The following KIF13A variants were observed in gnomAD, a reference collection of about 807,000 sequenced individuals.
KIF13A encodes kinesin family member 13A.
KIF13A carries 79 observed loss-of-function variants against 212.2 expected under a neutral mutation model. The ratio of observed to expected loss-of-function variants is 0.37; its 90% confidence interval spans 0.31 to 0.45. The LOEUF is 0.45. KIF13A is among the 20% of genes least tolerant of loss of function. The probability of loss-of-function intolerance (pLI) is 1.00; values close to 1 mark genes in which losing one functional copy is unlikely to be tolerated. For synonymous variants in KIF13A, 789 were observed against 808.6 expected (o/e 0.98, Z 0.41); for missense variants, 1,901 against 2,209.0 (o/e 0.86, Z 2.79).
At position 17,826,967 on chromosome 6, in the gene KIF13A, C is replaced by A. The variant is rs1562024124; in HGVS notation, c.1533-843G>T. Among the ~76,000 whole-genome samples, 2 of 151,296 alleles carry A rather than the reference C, an allele frequency of 1.3e-5. No homozygotes were observed. Among genetic ancestry groups the A allele is most frequent in the African/African-American group, 4.9e-5 (2 of 41,184 alleles). ...AATCCCAGCTACTTGGGAGGCGAGG[C>A]AGGAGGTTTGCTTGAACCTGGAAGG... On this transcript the variant is annotated intron_variant, in intron 14 of 38. Coordinates refer to ENST00000259711, the MANE Select transcript of KIF13A (RefSeq NM_022113.6). The surrounding 1 kb of genome is among the most constrained non-coding windows in gnomAD (Gnocchi z 4.7).
chr6:17,965,240 C>A (rs1466581211), intron 2 of KIF13A, among the ~76,000 whole-genome samples: 1 of 152,156 alleles, frequency 6.6e-6, no homozygotes, highest in Non-Finnish European at 1.5e-5. Context: ...GTTTAGATAT[C>A]CTAATCATAT....
Position 17,855,726 on chromosome 6 carries a change from G to C in KIF13A, c.314-109C>G. On this transcript the variant is annotated intron_variant, in intron 5 of 38. Coordinates refer to ENST00000259711, the MANE Select transcript of KIF13A (RefSeq NM_022113.6). The surrounding 1 kb of genome is among the most constrained non-coding windows in gnomAD (Gnocchi z 4.1). ...CTGGCCATGGTAACATAGCAGAAGA[G>C]TGGCCAACTTAGCCTCAAACCCTGT... is the stretch of plus-strand genomic sequence containing the variant. 2.3e-6 allele frequency: 2 copies of C among 873,956 alleles called. No homozygotes were observed. Among genetic ancestry groups the C allele is most frequent in the Non-Finnish European group, 3.5e-6 (2 of 577,440 alleles). 54.1% of individuals were successfully genotyped at this position (873,956 alleles called of 1,614,324 possible). A position where few individuals can be genotyped will look rare whatever the true frequency, so the allele number is the denominator to read the frequency against.
rs530942525 is a variant in KIF13A, at chr6:17,899,090, A to G, written c.147-910T>C. Reference sequence around the variant, plus strand: ...CAATCCCCCCACCTCAGCCTCCCAAAGTGCTGGGATTACAGGTGTGAACCA... The same window carrying G: ...CAATCCCCCCACCTCAGCCTCCCAAGGTGCTGGGATTACAGGTGTGAACCA... On this transcript the variant is annotated intron_variant, in intron 2 of 38. Coordinates refer to ENST00000259711, the MANE Select transcript of KIF13A (RefSeq NM_022113.6). This position sits in a 1 kb window ranked among gnomAD's most constrained non-coding sequence, Gnocchi z 5.2. 1.7e-4 allele frequency among the ~76,000 whole-genome samples: 26 copies of G among 152,310 alleles called. No individual in the cohort carries two copies. The East Asian group carries it at 5.0e-3, about 29-fold the overall frequency.
chr6:17,807,689 G>GCTAGACTGGTATTAGTAGTTCTGCTTT (rs1554168929), intron 18 of KIF13A, among the ~76,000 whole-genome samples: 1 of 152,040 alleles, frequency 6.6e-6, no homozygotes, highest in Non-Finnish European at 1.5e-5. Context: ...TGTGATCTTT[G>GCTAGACTGGTATTAGTAGTTCTGCTTT]TACCTACTCC....
intron 2 of KIF13A, among the ~76,000 whole-genome samples, chr6:17,970,940 T>A (rs1779759084): frequency 1.3e-5 from 2 of 152,228 alleles, no homozygotes; most frequent in Admixed American, 1.3e-4. Flanking sequence ...AGGGAAAAGC[T>A]GCAGCTCAGA....
intron 17 of KIF13A, among the ~76,000 whole-genome samples, chr6:17,815,077 C>A (rs1763803926): frequency 6.6e-6 from 1 of 152,184 alleles, no homozygotes; most frequent in Admixed American, 6.5e-5. Context: ...ACAGGAAGGT[C>A]ACGCAAGTCA....
chr6:17,825,847 G>A lies in KIF13A; in HGVS notation c.1707C>T (p.Ala569=), dbSNP rs1035119215. ...TGPPEHDLDA[A]SEASSEPDYN... The stretch of plus-strand genomic sequence containing the variant: ...AGTCTGGTTCAGAGGAAGCCTCACT[G>A]GCTGCATCCAGGTCATGCTCTGGCG... Residue 569 remains alanine, a synonymous_variant, in exon 16 of 39, where the codon GCC becomes GCT. Coordinates refer to ENST00000259711, the MANE Select transcript of KIF13A (RefSeq NM_022113.6). This position sits in a 1 kb window ranked among gnomAD's most constrained non-coding sequence, Gnocchi z 4.5. The A allele has an allele frequency of 6.8e-6, 11 of 1,613,934 alleles. No individual in the cohort carries two copies. The East Asian group carries it at 2.5e-4, about 36-fold the overall frequency.
chr6:17,929,218 CAG>C (rs146591383), intron 2 of KIF13A, among the ~76,000 whole-genome samples: 2 of 151,228 alleles, frequency 1.3e-5, no homozygotes. Context: ...GTGAGAGAGA[CAG>C]AGAGAGAGAG....
Position 17,834,122 on chromosome 6 carries a change from T to C in KIF13A, c.1156-51A>G, listed in dbSNP as rs1267985160. 1.9e-5 allele frequency: 21 copies of C among 1,099,516 alleles called. 1 individual carries two copies. The Middle Eastern group carries it at 5.9e-4, about 31-fold the overall frequency. 68.1% of individuals were successfully genotyped at this position (1,099,516 alleles called of 1,614,324 possible). ...GATGTTCAAAATTTTTCCACCATCA[T>C]ATACAAGACAATCAGTTACTGTCCC... On this transcript the variant is annotated intron_variant, in intron 11 of 38. Transcript: ENST00000259711. The surrounding 1 kb of genome is among the most constrained non-coding windows in gnomAD (Gnocchi z 4.0).
At chr6:17,944,131 T>C (rs916970616) in intron 2 of KIF13A, among the ~76,000 whole-genome samples, 29 of 152,216 alleles carry the variant, frequency 1.9e-4, no homozygotes, top group African/African-American at 5.3e-4. Context: ...AAATTCCCCA[T>C]GGAGATCTGA....
chr6:17,844,078 AAAT>A (rs1766790763), intron 9 of KIF13A, among the ~76,000 whole-genome samples: 2 of 151,882 alleles, frequency 1.3e-5, no homozygotes, highest in African/African-American at 4.8e-5. Context: ...GAAAGAAAAG[AAAT>A]AATTAGTTGA....
chr6:17,779,134 T>G, intron 32 of KIF13A, 35 bp from the exon 33 acceptor site: 1 of 1,596,152 alleles, frequency 6.3e-7, no homozygotes, highest in South Asian at 1.1e-5. Context: ...AATACTTTGA[T>G]GTGAACAACG....
Position 17,987,349 on chromosome 6 carries a change from T to C in KIF13A, c.55+60A>G. The C allele has an allele frequency of 8.3e-7, 1 of 1,208,332 alleles. No individual in the cohort carries two copies. Among genetic ancestry groups the C allele is most frequent in the Non-Finnish European group, 1.1e-6 (1 of 924,558 alleles). 74.9% of individuals were successfully genotyped at this position (1,208,332 alleles called of 1,614,324 possible). ...CTCTCGCCGTCCCGGCCCCGCAGTT[T>C]CTAAAGTTGCCCCCGCCCTCAGCCC... On this transcript the variant is annotated intron_variant, in intron 1 of 38. Transcript: ENST00000259711. This position sits in a 1 kb window ranked among gnomAD's most constrained non-coding sequence, Gnocchi z 7.7.
At chr6:17,860,890 C>T (rs1431921812) in intron 4 of KIF13A, among the ~76,000 whole-genome samples, 15 of 152,096 alleles carry the variant, frequency 9.9e-5, no homozygotes, top group Admixed American at 9.8e-4. Flanking sequence ...TGCGTCAACA[C>T]ACTATGTAGG....
At chr6:17,820,013 C>T (rs79115857) in intron 16 of KIF13A, among the ~76,000 whole-genome samples, 3,874 of 152,006 alleles carry the variant, frequency 0.025, 75 homozygotes, top group Non-Finnish European at 0.04. Flanking sequence ...GTTTTTGCTA[C>T]GAGATACTGA....
chr6:17,808,839 C>T lies in KIF13A; in HGVS notation c.2092G>A (p.Glu698Lys). 6.2e-7 allele frequency: 1 copy of T among 1,613,860 alleles called. No homozygotes were observed. The highest frequency in any genetic ancestry group is 1.1e-5 in the South Asian group (1 of 91,032). ...TGGTAATCGGTGAGTTTGCTCATTT[C>T]CTCAGCCAGGAAGTTTGCTTCCCTC... The part of the protein sequence containing the change: ...LVREANFLAE[E>K]MSKLTDYQVT... The change falls in exon 18 of 39, where the codon GAA becomes AAA. Residue 698 changes from glutamate (E) to lysine (K), a missense_variant. This residue lies in a region of KIF13A where 534 missense variants were observed against 536.9 expected (regional missense o/e 0.99). Coordinates refer to ENST00000259711, the MANE Select transcript of KIF13A (RefSeq NM_022113.6).
Position 17,771,196 on chromosome 6 carries a change from T to C in KIF13A, c.4499A>G (p.His1500Arg), listed in dbSNP as rs758551418. 1.2e-6 allele frequency: 2 copies of C among 1,612,940 alleles called. No individual in the cohort carries two copies. The highest frequency in any genetic ancestry group is 4.5e-5 in the East Asian group (2 of 44,882). Residue 1500 changes from histidine to arginine, a missense_variant, in exon 38 of 39, where the codon CAT (histidine) becomes CGT (arginine). Physicochemically the swap from His to Arg is conservative, Grantham distance 29 (BLOSUM62 0). This residue lies in a region of KIF13A where 687 missense variants were observed against 759.1 expected (regional missense o/e 0.90). Coordinates refer to ENST00000259711, the MANE Select transcript of KIF13A (RefSeq NM_022113.6). This position sits in a 1 kb window ranked among gnomAD's most constrained non-coding sequence, Gnocchi z 5.4. ...TGAGGGTACAATGCAGCCAGGGTTATGTGCCTGAGGTGGAGGCATGCTCTG... is the reference window on the plus strand; with the variant it reads ...TGAGGGTACAATGCAGCCAGGGTTACGTGCCTGAGGTGGAGGCATGCTCTG... ...SQESMPPPQAHNPGCIVPSGS... is the reference protein window; with the variant it reads ...SQESMPPPQARNPGCIVPSGS...
Position 17,800,175 on chromosome 6 carries a change from A to T in KIF13A, c.2455-62T>A, listed in dbSNP as rs1762363961. On this transcript the variant is annotated intron_variant, in intron 20 of 38. Coordinates refer to ENST00000259711, the MANE Select transcript of KIF13A (RefSeq NM_022113.6). The stretch of plus-strand genomic sequence containing the variant: ...ACATCCTGTGGGCAACCTCGACCCA[A>T]GACAGACGTGCCTTCTACAGTGAAC... 3.3e-6 allele frequency: 5 copies of T among 1,510,924 alleles called. No homozygotes were observed. The South Asian group carries it at 4.9e-5, about 15-fold the overall frequency. 93.6% of individuals were successfully genotyped at this position (1,510,924 alleles called of 1,614,324 possible). A position where few individuals can be genotyped will look rare whatever the true frequency, so the allele number is the denominator to read the frequency against.
At chr6:17,902,578 T>C (rs2150489626) in intron 2 of KIF13A, among the ~76,000 whole-genome samples, 1 of 152,244 alleles carries the variant, frequency 6.6e-6, no homozygotes, top group African/African-American at 2.4e-5. Flanking sequence ...TACATGCCTT[T>C]ACCCCACTTT....
Sources: allele counts gnomAD v4.1 joint callset (sites outside exome capture counted in the v4.1 genomes callset), GRCh38; gene constraint gnomAD v4.1.1; regional missense constraint gnomAD v4.1.1; non-coding constraint Gnocchi (gnomAD v3.1); transcripts MANE v1.5; gene names NCBI Gene and HGNC (gene_info 2026-07-23, HGNC 2026-07-21).